Variants in AUTS2 observed in about 807,000 individuals in gnomAD.
The protein encoded by AUTS2 is autism susceptibility gene 2 protein.
AUTS2 carries 17 observed loss-of-function variants against 112.4 expected under a neutral mutation model. That is an observed-to-expected ratio of 0.15 (90% confidence interval 0.10 to 0.23). AUTS2 has a LOEUF of 0.23. Among genes scored for constraint, AUTS2 ranks in the 10% least tolerant of loss-of-function variants. AUTS2 has a pLI of 1.00. For synonymous variants in AUTS2, 751 were observed against 702.7 expected (o/e 1.07, Z -1.09); for missense variants, 1,510 against 1,701.6 (o/e 0.89, Z 1.98).
intron 2 of AUTS2, among the ~76,000 whole-genome samples, chr7:70,081,410 A>T (rs899219255): frequency 1.3e-5 from 2 of 149,418 alleles, no homozygotes; most frequent in African/African-American, 5.0e-5. Flanking sequence ...AAAAAAAAAA[A>T]ATCAGCTGGA....
At chr7:70,393,771 A>G (rs951142544) in intron 4 of AUTS2, among the ~76,000 whole-genome samples, 8 of 151,832 alleles carry the variant, frequency 5.3e-5, no homozygotes. Flanking sequence ...AACCTTTAAT[A>G]CCTGTCTTCT....
At chr7:69,762,798 T>G (rs768696524) in intron 1 of AUTS2, among the ~76,000 whole-genome samples, 1 of 152,204 alleles carries the variant, frequency 6.6e-6, no homozygotes. Context: ...AAATACTCTT[T>G]TATTCTGGAA....
intron 6 of AUTS2, among the ~76,000 whole-genome samples, chr7:70,758,419 C>A (rs1789358267): frequency 6.6e-6 from 1 of 152,118 alleles, no homozygotes; most frequent in African/African-American, 2.4e-5. Context: ...AAAAAGGGCC[C>A]ATTTTCCCCA....
At chr7:70,393,517 C>A (rs2129843270) in intron 4 of AUTS2, among the ~76,000 whole-genome samples, 1 of 152,040 alleles carries the variant, frequency 6.6e-6, no homozygotes, top group African/African-American at 2.4e-5. Flanking sequence ...AAGAGAGAGC[C>A]TGTGTGGATG....
At chr7:70,242,997 A>C (rs1812704866) in intron 4 of AUTS2, among the ~76,000 whole-genome samples, 2 of 152,134 alleles carry the variant, frequency 1.3e-5, no homozygotes, top group South Asian at 4.1e-4. Context: ...CAGCATTACT[A>C]TTCTTGCCTA....
chr7:69,830,364 A>T (rs1202796175), intron 1 of AUTS2, among the ~76,000 whole-genome samples: 1 of 152,162 alleles, frequency 6.6e-6, no homozygotes, highest in Non-Finnish European at 1.5e-5. Flanking sequence ...ACATAGGTAT[A>T]CCTGTACATT....
intron 4 of AUTS2, among the ~76,000 whole-genome samples, chr7:70,406,337 G>T (rs1222020274): frequency 1.3e-5 from 2 of 152,136 alleles, no homozygotes; most frequent in African/African-American, 4.8e-5. Context: ...TGAAAACCCG[G>T]TTGGAGCTGG....
intron 4 of AUTS2, among the ~76,000 whole-genome samples, chr7:70,343,699 G>A (rs1791373951): frequency 6.6e-6 from 1 of 152,162 alleles, no homozygotes; most frequent in Admixed American, 6.5e-5. Context: ...GGGATTACAG[G>A]ATTTTGCCCG....
At chr7:69,931,236 A>G (rs1002038762) in intron 2 of AUTS2, among the ~76,000 whole-genome samples, 1 of 152,048 alleles carries the variant, frequency 6.6e-6, no homozygotes, top group Non-Finnish European at 1.5e-5. Context: ...ACCTCATACC[A>G]TGCCTGGCAT....
chr7:69,738,699 TA>T (rs776117603), intron 1 of AUTS2, among the ~76,000 whole-genome samples: 1 of 152,124 alleles, frequency 6.6e-6, no homozygotes, highest in Non-Finnish European at 1.5e-5. Context: ...TTGCTTGCGT[TA>T]TACATGCTTA....
At chr7:70,423,860 G>A (rs1224228520) in intron 4 of AUTS2, among the ~76,000 whole-genome samples, 2 of 152,148 alleles carry the variant, frequency 1.3e-5, no homozygotes, top group African/African-American at 4.8e-5. Flanking sequence ...GTCCTGAGCA[G>A]AAATCCTTGC....
intron 4 of AUTS2, among the ~76,000 whole-genome samples, chr7:70,196,206 C>A (rs946523559): frequency 2.6e-5 from 4 of 152,140 alleles, no homozygotes; most frequent in Non-Finnish European, 5.9e-5. Context: ...TTTGGGACTC[C>A]ATTAAGTGTG....
chr7:70,521,914 G>T (rs1799661699), intron 5 of AUTS2, among the ~76,000 whole-genome samples: 1 of 152,140 alleles, frequency 6.6e-6, no homozygotes, highest in African/African-American at 2.4e-5. Context: ...ATAAAATGAG[G>T]CTAATAGTAC....
intron 1 of AUTS2, among the ~76,000 whole-genome samples, chr7:69,807,153 A>C (rs951558752): frequency 1.3e-5 from 2 of 152,192 alleles, no homozygotes; most frequent in African/African-American, 4.8e-5. Flanking sequence ...AGATGAGCAC[A>C]ATCTAATTTT....
At chr7:69,824,394 G>A (rs984798701) in intron 1 of AUTS2, among the ~76,000 whole-genome samples, 2 of 151,330 alleles carry the variant, frequency 1.3e-5, no homozygotes, top group African/African-American at 2.4e-5. Context: ...GGGTGACAGC[G>A]CGAGATTCTG....
chr7:70,624,561 A>G (rs1455687254), intron 5 of AUTS2, among the ~76,000 whole-genome samples: 2 of 152,168 alleles, frequency 1.3e-5, no homozygotes, highest in East Asian at 3.9e-4. Context: ...GGTAGTCTCT[A>G]TGCAAGCCCC....
chr7:70,380,570 G>T (rs1248151399), intron 4 of AUTS2, among the ~76,000 whole-genome samples: 1 of 152,226 alleles, frequency 6.6e-6, no homozygotes, highest in Admixed American at 6.5e-5. Context: ...CCTGCTTCTT[G>T]TAAGGTGGGG....
chr7:70,774,473 C>A (rs184659454), intron 12 of AUTS2: 1 of 195,716 alleles, frequency 5.1e-6, no homozygotes, highest in Non-Finnish European at 1.0e-5. Context: ...AGCACTAAGG[C>A]GCTTTTCTTC....
chr7:70,555,578 G>A (rs1410636279), intron 5 of AUTS2, among the ~76,000 whole-genome samples: 1 of 152,138 alleles, frequency 6.6e-6, no homozygotes, highest in African/African-American at 2.4e-5. Flanking sequence ...TTGCAGAGTG[G>A]CCTTCTAGTC....
Sources: allele counts gnomAD v4.1 joint callset (sites outside exome capture counted in the v4.1 genomes callset), GRCh38; gene constraint gnomAD v4.1.1; transcripts MANE v1.5; gene names NCBI Gene and HGNC (gene_info 2026-07-23, HGNC 2026-07-21).